Variants in ARHGAP32 observed in about 807,000 individuals in gnomAD.
The protein encoded by ARHGAP32 is rho GTPase-activating protein 32.
Under a neutral mutation model 186.5 loss-of-function variants are expected in ARHGAP32, and 51 were observed. The ratio of observed to expected loss-of-function variants is 0.27; its 90% CI spans 0.22 to 0.35. The LOEUF (loss-of-function observed/expected upper bound fraction) is 0.35, where lower values mean the gene tolerates loss of function less well. ARHGAP32 is among the 10% of genes least tolerant of loss of function. ARHGAP32 has a pLI of 1.00. For missense variants in ARHGAP32, 2,186 were observed against 2,623.5 expected, an observed-to-expected ratio of 0.83 and a Z score of 3.64; for synonymous variants, 950 against 964.3, an observed-to-expected ratio of 0.99 and a Z score of 0.27.
At chr11:129,002,753 C>T (rs1937594923) in intron 11 of ARHGAP32, among the ~76,000 whole-genome samples, 1 of 150,520 alleles carries the variant, frequency 6.6e-6, no homozygotes, top group African/African-American at 2.4e-5. Flanking sequence ...TATGCTGACA[C>T]ATGTTCCTTC....
intron 1 of ARHGAP32, among the ~76,000 whole-genome samples, chr11:129,265,321 G>A (rs951869172): frequency 2.0e-5 from 3 of 152,190 alleles, no homozygotes; most frequent in East Asian, 1.9e-4. Flanking sequence ...CAACCTTGGC[G>A]CTACTGACAT....
chr11:128,995,026 A>G (rs898744846), intron 12 of ARHGAP32, among the ~76,000 whole-genome samples: 1 of 152,134 alleles, frequency 6.6e-6, no homozygotes, highest in African/African-American at 2.4e-5. Flanking sequence ...ATTCATTTCT[A>G]ATATTCCTCT....
chr11:129,216,616 A>G (rs1057093063), intron 1 of ARHGAP32, among the ~76,000 whole-genome samples: 4 of 146,744 alleles, frequency 2.7e-5, no homozygotes, highest in Non-Finnish European at 6.0e-5. Context: ...GGCTGCAGTG[A>G]GCCAAGATTG....
intron 22 of ARHGAP32, 124 bp from the exon 23 acceptor site, chr11:128,971,283 G>A: frequency 2.7e-6 from 2 of 753,964 alleles, no homozygotes; most frequent in Non-Finnish European, 4.2e-6. Flanking sequence ...CAAGCCATGT[G>A]GTTGCAATGA....
chr11:129,108,597 C>T (rs577122839), intron 5 of ARHGAP32, among the ~76,000 whole-genome samples: 2 of 152,150 alleles, frequency 1.3e-5, no homozygotes, highest in South Asian at 4.2e-4. Context: ...GTTTGTTGAT[C>T]ACCTCTCTAT....
intron 6 of ARHGAP32, among the ~76,000 whole-genome samples, chr11:129,077,349 G>A (rs1941076031): frequency 6.6e-6 from 1 of 152,184 alleles, no homozygotes; most frequent in South Asian, 2.1e-4. Flanking sequence ...ATGGGGAGGG[G>A]TGAAGCCTGA....
chr11:129,125,202 T>C (rs770003994), intron 2 of ARHGAP32, among the ~76,000 whole-genome samples: 1 of 152,056 alleles, frequency 6.6e-6, no homozygotes, highest in Non-Finnish European at 1.5e-5. Context: ...CTGGAAGTTG[T>C]TGGAATAAAA....
chr11:129,195,413 G>A (rs2135566308), upstream of ARHGAP32, among the ~76,000 whole-genome samples: 1 of 152,254 alleles, frequency 6.6e-6, no homozygotes, highest in Admixed American at 6.5e-5. Flanking sequence ...TTTTTACACA[G>A]AATACTGAAG....
intron 1 of ARHGAP32, among the ~76,000 whole-genome samples, chr11:129,232,742 CTGGCTGTCAGACCA>C (rs1198026101): frequency 1.3e-5 from 2 of 152,142 alleles, no homozygotes; most frequent in Non-Finnish European, 2.9e-5. Flanking sequence ...AGGTCCCTTG[CTGGCTGTCAGACCA>C]GGGCCACTCT....
chr11:129,270,632 G>A (rs147105142), intron 1 of ARHGAP32, among the ~76,000 whole-genome samples: 2 of 151,810 alleles, frequency 1.3e-5, no homozygotes, highest in Non-Finnish European at 2.9e-5. Flanking sequence ...GTGGGATGCT[G>A]ATAATGGGGG....
At chr11:129,270,345 G>A (rs926466364) in intron 1 of ARHGAP32, among the ~76,000 whole-genome samples, 1 of 152,152 alleles carries the variant, frequency 6.6e-6, no homozygotes, top group Non-Finnish European at 1.5e-5. Flanking sequence ...AAGGCTGGTG[G>A]TTGACAGGGG....
At chr11:129,226,235 G>A (rs931966433) in intron 1 of ARHGAP32, among the ~76,000 whole-genome samples, 1 of 152,092 alleles carries the variant, frequency 6.6e-6, no homozygotes, top group African/African-American at 2.4e-5. Flanking sequence ...AAGAAATCAT[G>A]GCCAAAACCT....
At chr11:129,098,708 G>GA (rs1485016028) in intron 5 of ARHGAP32, among the ~76,000 whole-genome samples, 1 of 151,992 alleles carries the variant, frequency 6.6e-6, no homozygotes, top group Non-Finnish European at 1.5e-5. Context: ...TTTAACTTTG[G>GA]TTTTAATTCC....
intron 5 of ARHGAP32, among the ~76,000 whole-genome samples, chr11:129,098,084 G>A (rs1941785693): frequency 6.6e-6 from 1 of 152,160 alleles, no homozygotes; most frequent in African/African-American, 2.4e-5. Context: ...AAAAAGTAAG[G>A]GAGATGTTCC....
At chr11:129,237,596 T>C (rs1050428946) in intron 1 of ARHGAP32, among the ~76,000 whole-genome samples, 1 of 152,030 alleles carries the variant, frequency 6.6e-6, no homozygotes, top group Admixed American at 6.6e-5. Flanking sequence ...ATGAACTGAG[T>C]GCATTACGTG....
intron 2 of ARHGAP32, among the ~76,000 whole-genome samples, chr11:129,152,651 A>G (rs1369984852): frequency 1.3e-5 from 2 of 152,204 alleles, no homozygotes; most frequent in African/African-American, 2.4e-5. Context: ...GATCATCTCA[A>G]CAGACACAGA....
intron 1 of ARHGAP32, among the ~76,000 whole-genome samples, chr11:129,266,878 T>C (rs1210147571): frequency 6.6e-6 from 1 of 152,076 alleles, no homozygotes; most frequent in Non-Finnish European, 1.5e-5. Flanking sequence ...TCTTCCAGGG[T>C]CTGCTCAGGC....
intron 1 of ARHGAP32, among the ~76,000 whole-genome samples, chr11:129,219,756 G>C (rs181253158): frequency 1.6e-4 from 24 of 151,996 alleles, no homozygotes; most frequent in African/African-American, 4.6e-4. Flanking sequence ...CACTTTTTCT[G>C]CCACACAATT....
At chr11:129,056,404 G>A (rs1029583380) in intron 10 of ARHGAP32, among the ~76,000 whole-genome samples, 1 of 151,950 alleles carries the variant, frequency 6.6e-6, no homozygotes, top group African/African-American at 2.4e-5. Context: ...GTACCACTTC[G>A]CCTGGGTCAG....
Sources: gnomAD v4.1 joint callset for allele counts (sites outside exome capture counted in the v4.1 genomes callset) on GRCh38, gnomAD v4.1.1 for gene constraint, MANE v1.5 for transcripts, NCBI Gene and HGNC (gene_info 2026-07-23, HGNC 2026-07-21) for gene names.